FNBP1: variants seen among roughly 807,000 people sequenced by gnomAD.
FNBP1 encodes the protein formin binding protein 1.
In FNBP1, 26 loss-of-function variants were observed where a neutral mutation model predicts 90.6. The ratio of observed to expected loss-of-function variants is 0.29; its 90% CI spans 0.21 to 0.40. The LOEUF is 0.40. Among genes scored for constraint, FNBP1 ranks in the 10% least tolerant of loss-of-function variants. FNBP1 has a pLI of 1.00. For missense variants in FNBP1, 635 were observed against 768.0 expected, an observed-to-expected ratio of 0.83 and a Z score of 2.05; for synonymous variants, 260 against 265.2, an observed-to-expected ratio of 0.98 and a Z score of 0.19.
At chr9:129,933,145 T>G (rs1252858559) in intron 6 of FNBP1, among the ~76,000 whole-genome samples, 1 of 151,878 alleles carries the variant, frequency 6.6e-6, no homozygotes. Flanking sequence ...TCTAAGTGAG[T>G]TTTTAAAATA....
chr9:130,033,139 C>G (rs1408908061), intron 1 of FNBP1, among the ~76,000 whole-genome samples: 1 of 152,078 alleles, frequency 6.6e-6, no homozygotes, highest in Non-Finnish European at 1.5e-5. Flanking sequence ...TTTGTGTTTA[C>G]CTATCACCTT....
chr9:129,944,338 C>G (rs979044250), intron 6 of FNBP1, among the ~76,000 whole-genome samples: 4 of 151,838 alleles, frequency 2.6e-5, no homozygotes, highest in African/African-American at 9.7e-5. Flanking sequence ...GTCAAGAGAT[C>G]GAGACCATCC....
chr9:129,952,502 A>C (rs957536666), intron 6 of FNBP1, among the ~76,000 whole-genome samples: 9 of 152,156 alleles, frequency 5.9e-5, no homozygotes, highest in African/African-American at 2.2e-4. Flanking sequence ...AAAAAACAGA[A>C]AAAAACAAAC....
At position 129,958,510 on chromosome 9, in the gene FNBP1, C is replaced by A; in HGVS notation, c.389G>T (p.Cys130Phe). The change falls in exon 5 of 17, where the codon TGC becomes TTC. Residue 130 changes from cysteine to phenylalanine, a missense_variant. Transcript: ENST00000446176. ...GRKAQQHIET[C>F]WKQLESSKRR... ...ACTTACAGATTCAAGCTGCTTCCAG[C>A]AAGTCTCGATGTGCTGCTGTGCTTT... is the stretch of plus-strand genomic sequence containing the variant. 6.3e-7 allele frequency: 1 copy of A among 1,598,356 alleles called. No homozygotes were observed. Among genetic ancestry groups the A allele is most frequent in the Admixed American group, 1.7e-5 (1 of 57,596 alleles).
chr9:129,993,813 CG>C (rs1335826122), intron 2 of FNBP1, among the ~76,000 whole-genome samples: 2 of 151,536 alleles, frequency 1.3e-5, no homozygotes, highest in African/African-American at 2.4e-5. Context: ...TTAGTAGAGG[CG>C]GGGTTTCACC....
intron 1 of FNBP1, among the ~76,000 whole-genome samples, chr9:129,998,192 T>C (rs2054292083): frequency 1.3e-5 from 1 of 76,052 alleles, no homozygotes. Context: ...AGAGACTCTG[T>C]CTCGAAAAAA....
intron 15 of FNBP1, among the ~76,000 whole-genome samples, chr9:129,896,766 A>G (rs528245888): frequency 2.2e-4 from 33 of 151,358 alleles, no homozygotes; most frequent in Non-Finnish European, 4.6e-4. Flanking sequence ...CGAGTAGCTG[A>G]GATTACAGGC....
rs112547591 is a variant in FNBP1 at position 129,889,396 on chromosome 9, C to T, written c.*1143G>A. On this transcript the variant is annotated 3_prime_UTR_variant, in exon 17 of 17. Transcript: ENST00000446176. ...ACCAGCCTGACCAACACGGTGAAAC[C>T]CTGTCTCTACTAAAAATACAAACAT... 1.1e-5 allele frequency: 2 copies of T among 180,066 alleles called. No individual in the cohort carries two copies. The highest frequency in any genetic ancestry group is 1.8e-4 in the East Asian group (2 of 10,840). 11.2% of individuals were successfully genotyped at this position (180,066 alleles called of 1,614,324 possible). A position where few individuals can be genotyped will look rare whatever the true frequency, so the allele number is the denominator to read the frequency against.
chr9:129,991,520 G>C (rs1054288571), intron 2 of FNBP1, among the ~76,000 whole-genome samples: 2 of 151,938 alleles, frequency 1.3e-5, no homozygotes, highest in Non-Finnish European at 1.5e-5. Context: ...TACCCACCTC[G>C]GCCTCCTGAA....
At chr9:129,914,867 C>T (rs748337953) in intron 11 of FNBP1, 1 of 441,576 alleles carries the variant, frequency 2.3e-6, no homozygotes, top group East Asian at 6.8e-5. Flanking sequence ...GTAGAACTGT[C>T]ACAGTTGATC....
chr9:129,952,663 G>A (rs1588830547), intron 6 of FNBP1, among the ~76,000 whole-genome samples: 1 of 152,100 alleles, frequency 6.6e-6, no homozygotes, highest in African/African-American at 2.4e-5. Flanking sequence ...AGACTTTAGG[G>A]GATTAAGCTT....
chr9:130,030,597 C>T (rs1333895056), intron 1 of FNBP1, among the ~76,000 whole-genome samples: 1 of 152,118 alleles, frequency 6.6e-6, no homozygotes, highest in Non-Finnish European at 1.5e-5. Flanking sequence ...GCCTAGGGCT[C>T]CCATTGTCAT....
At chr9:130,026,850 T>C (rs560605) in intron 1 of FNBP1, among the ~76,000 whole-genome samples, 151,664 of 151,942 alleles carry the variant, frequency 1, 75,694 homozygotes, top group Non-Finnish European at 1. Context: ...CTGTTAGTCC[T>C]AGCTACTTGT....
At chr9:130,018,233 TA>T (rs546803438) in intron 1 of FNBP1, among the ~76,000 whole-genome samples, 218 of 148,784 alleles carry the variant, frequency 1.5e-3, no homozygotes, top group African/African-American at 4.8e-3. Flanking sequence ...CCCTTTTGTT[TA>T]AAAAAAAAAG....
intron 1 of FNBP1, among the ~76,000 whole-genome samples, chr9:130,013,147 ATTT>A (rs534804868): frequency 1.4e-3 from 210 of 152,070 alleles, no homozygotes; most frequent in Non-Finnish European, 2.6e-3. Context: ...CAATTGTTCT[ATTT>A]TTTATGTTTT....
At chr9:129,992,427 G>A (rs1413684979) in intron 2 of FNBP1, among the ~76,000 whole-genome samples, 1 of 151,978 alleles carries the variant, frequency 6.6e-6, no homozygotes, top group Non-Finnish European at 1.5e-5. Flanking sequence ...TTATTTCATT[G>A]TGTGATGTTT....
chr9:130,032,821 G>A (rs781732936), intron 1 of FNBP1, among the ~76,000 whole-genome samples: 5 of 151,884 alleles, frequency 3.3e-5, no homozygotes, highest in Non-Finnish European at 7.4e-5. Context: ...GAAGGCCCAA[G>A]TATACTGCTA....
chr9:129,912,994 C>T (rs1027553083), intron 11 of FNBP1, among the ~76,000 whole-genome samples: 4 of 152,024 alleles, frequency 2.6e-5, no homozygotes, highest in Non-Finnish European at 5.9e-5. Flanking sequence ...CCGAGGTGAG[C>T]GGATCACCTG....
intron 2 of FNBP1, among the ~76,000 whole-genome samples, chr9:129,994,034 A>G (rs2053617892): frequency 6.6e-6 from 1 of 152,230 alleles, no homozygotes; most frequent in African/African-American, 2.4e-5. Flanking sequence ...ACCAAAGCTA[A>G]GCATATGAGT....
Sources: gnomAD v4.1 joint callset for allele counts (sites outside exome capture counted in the v4.1 genomes callset) on GRCh38, gnomAD v4.1.1 for gene constraint, MANE v1.5 for transcripts, NCBI Gene and HGNC (gene_info 2026-07-23, HGNC 2026-07-21) for gene names.